DNAH12: variants seen among roughly 807,000 people sequenced by gnomAD.
DNAH12 encodes axonemal beta dynein heavy chain 12.
In DNAH12, 285 loss-of-function variants were observed where a neutral mutation model predicts 371.5. That is an observed-to-expected ratio of 0.77 (90% CI 0.70 to 0.85). The LOEUF (loss-of-function observed/expected upper bound fraction) is 0.85. Ranked by LOEUF, DNAH12 falls within the 40% of genes least tolerant of loss-of-function variation. DNAH12 has a pLI of 0.00. For synonymous variants in DNAH12, 1,200 were observed against 1,213.0 expected (o/e 0.99, Z 0.22); for missense variants, 3,611 against 3,689.4 (o/e 0.98, Z 0.55).
At chr3:57,311,560 C>T (rs1176024352) in intron 66 of DNAH12, among the ~76,000 whole-genome samples, 1 of 152,130 alleles carries the variant, frequency 6.6e-6, no homozygotes, top group African/African-American at 2.4e-5. Context: ...GGTTTTGTCC[C>T]CCAGGTTACA....
At chr3:57,339,477 T>C (rs981371388) in intron 60 of DNAH12, among the ~76,000 whole-genome samples, 6 of 151,304 alleles carry the variant, frequency 4.0e-5, no homozygotes, top group Non-Finnish European at 8.8e-5. Flanking sequence ...TGTTAAAGGA[T>C]ACAAAAATTA....
At chr3:57,425,513 C>T (rs1336594735) in intron 34 of DNAH12, among the ~76,000 whole-genome samples, 1 of 152,158 alleles carries the variant, frequency 6.6e-6, no homozygotes, top group African/African-American at 2.4e-5. Flanking sequence ...AGGCAGTCCT[C>T]CTGCCTCAGC....
At chr3:57,327,404 C>G (rs2061976067) in intron 62 of DNAH12, among the ~76,000 whole-genome samples, 1 of 152,108 alleles carries the variant, frequency 6.6e-6, no homozygotes, top group Non-Finnish European at 1.5e-5. Context: ...GATTCAGAAA[C>G]TCACTCAAAA....
chr3:57,349,338 G>A (rs958770421), intron 60 of DNAH12, among the ~76,000 whole-genome samples: 14 of 152,150 alleles, frequency 9.2e-5, no homozygotes, highest in Admixed American at 2.0e-4. Flanking sequence ...GCGTGGATGC[G>A]GTGAAAAGGG....
chr3:57,350,294 A>C (rs1376000877), intron 60 of DNAH12, among the ~76,000 whole-genome samples: 1 of 152,192 alleles, frequency 6.6e-6, no homozygotes. Flanking sequence ...AGATAAATAA[A>C]AAATTAAAGA....
At chr3:57,521,201 A>T (rs1019902262) in intron 4 of DNAH12, among the ~76,000 whole-genome samples, 31 of 150,534 alleles carry the variant, frequency 2.1e-4, no homozygotes, top group Admixed American at 9.3e-4. Context: ...CTTTTTCTAA[A>T]TTTTTTTATA....
Position 57,455,881 on chromosome 3 carries a change from A to T in DNAH12, c.3337-987T>A, listed in dbSNP as rs554940445. ...ATGGAGGGAGAGGTTTAATCTTTTT[A>T]AAAATAGCTTTTTCAACAGTAAGTG... On this transcript the variant is annotated intron_variant, in intron 22 of 73. Coordinates refer to ENST00000495027, the MANE Select transcript of DNAH12 (RefSeq NM_001366028.2). Among the ~76,000 whole-genome samples, 23 of 152,304 alleles carry T rather than the reference A, an allele frequency of 1.5e-4. No individual in the cohort carries two copies. In the South Asian group the frequency reaches 4.8e-3, roughly 32 times the overall value.
chr3:57,477,063 G>A (rs1474701671), intron 13 of DNAH12, among the ~76,000 whole-genome samples: 1 of 152,112 alleles, frequency 6.6e-6, no homozygotes, highest in African/African-American at 2.4e-5. Flanking sequence ...ACCGGGGAGT[G>A]TCGGAAAGTA....
chr3:57,487,768 T>C (rs1176661249), intron 12 of DNAH12, among the ~76,000 whole-genome samples: 4 of 152,182 alleles, frequency 2.6e-5, no homozygotes, highest in Non-Finnish European at 4.4e-5. Flanking sequence ...AGCTTTATAA[T>C]AAGATAATTA....
In DNAH12 at chr3:57,433,359, T is replaced by C; in HGVS notation, c.4980+8A>G. On this transcript the variant is annotated splice_region_variant and intron_variant, in intron 32 of 73. Coordinates refer to ENST00000495027, the MANE Select transcript of DNAH12 (RefSeq NM_001366028.2). ...GCTGAATCTGCTTCTCTTTTGATCA[T>C]GATTTACCTTTTTATTATCATCCAA... 1 of 1,548,008 alleles carries C rather than the reference T, an allele frequency of 6.5e-7. No individual in the cohort carries two copies. Among genetic ancestry groups the C allele is most frequent in the Non-Finnish European group, 8.7e-7 (1 of 1,145,840 alleles).
intron 69 of DNAH12, 65 bp downstream of exon 69, chr3:57,309,086 T>C (rs2107674942): frequency 7.6e-7 from 1 of 1,315,246 alleles, no homozygotes; most frequent in Non-Finnish European, 1.0e-6. Context: ...TCAACACTAT[T>C]TTATTTTTCT....
intron 12 of DNAH12, among the ~76,000 whole-genome samples, chr3:57,485,075 T>G (rs2066878525): frequency 6.6e-6 from 1 of 152,228 alleles, no homozygotes; most frequent in South Asian, 2.1e-4. Flanking sequence ...ACACTTAAAC[T>G]GCTTGTGAGA....
At chr3:57,345,302 T>C (rs1325332827) in intron 60 of DNAH12, among the ~76,000 whole-genome samples, 1 of 152,102 alleles carries the variant, frequency 6.6e-6, no homozygotes, top group Non-Finnish European at 1.5e-5. Context: ...TTGGGAGAAC[T>C]TCCAGGAAAA....
At chr3:57,491,429 C>T (rs1458381515) in intron 11 of DNAH12, among the ~76,000 whole-genome samples, 1 of 152,094 alleles carries the variant, frequency 6.6e-6, no homozygotes, top group Non-Finnish European at 1.5e-5. Context: ...TTATAATTAC[C>T]TATCGGTCTA....
intron 55 of DNAH12, 92 bp from the exon 56 acceptor site, chr3:57,368,352 T>C (rs2063095032): frequency 6.6e-6 from 1 of 152,072 alleles, no homozygotes; most frequent in South Asian, 2.1e-4. Context: ...CATCAATCTG[T>C]ACAAAGTATT....
intron 25 of DNAH12, among the ~76,000 whole-genome samples, chr3:57,452,049 C>T (rs1389002673): frequency 1.3e-5 from 2 of 152,148 alleles, no homozygotes; most frequent in Admixed American, 6.5e-5. Context: ...AATGAACTTT[C>T]GCTCCTGCTC....
the DNAH12 span, among the ~76,000 whole-genome samples, chr3:57,550,679 A>C: frequency 1.3e-5 from 2 of 151,144 alleles, no homozygotes; most frequent in African/African-American, 2.4e-5. Context: ...CGCCCAGCTA[A>C]ATTTTTTTTT....
chr3:57,296,512 T>TCC (rs2107641298), intron 71 of DNAH12, 77 bp from the exon 72 acceptor site: 1 of 1,108,846 alleles, frequency 9.0e-7, no homozygotes, highest in Admixed American at 2.2e-5. Context: ...AGCGAAATAT[T>TCC]CAGAACACAT....
intron 25 of DNAH12, among the ~76,000 whole-genome samples, chr3:57,452,021 G>A (rs1233872357): frequency 6.6e-6 from 1 of 152,090 alleles, no homozygotes; most frequent in South Asian, 2.1e-4. Flanking sequence ...ACCCCCTTTC[G>A]TTCCTGCTCC....
Sources: allele counts gnomAD v4.1 joint callset (sites outside exome capture counted in the v4.1 genomes callset), GRCh38; gene constraint gnomAD v4.1.1; transcripts MANE v1.5; gene names NCBI Gene and HGNC (gene_info 2026-07-23, HGNC 2026-07-21).